SPATA13: variants seen among roughly 807,000 people sequenced by gnomAD.
The protein encoded by SPATA13 is spermatogenesis-associated protein 13.
SPATA13 carries 50 observed loss-of-function variants against 104.0 expected under a neutral mutation model. The ratio of observed to expected loss-of-function variants is 0.48; its 90% CI spans 0.38 to 0.61. The LOEUF (loss-of-function observed/expected upper bound fraction) is 0.61. Ranked by LOEUF, SPATA13 falls within the 20% of genes least tolerant of loss-of-function variation. The pLI, the probability that SPATA13 is intolerant of heterozygous loss-of-function variation, is 0.00. For synonymous variants in SPATA13, 606 were observed against 667.5 expected (o/e 0.91, Z 1.42); for missense variants, 1,524 against 1,690.6 (o/e 0.90, Z 1.73).
intron 3 of SPATA13, among the ~76,000 whole-genome samples, chr13:24,073,568 C>A: frequency 6.6e-6 from 1 of 152,212 alleles, no homozygotes; most frequent in East Asian, 1.9e-4. Flanking sequence ...GTGGCCATAG[C>A]AGCTACTGCC....
At chr13:24,204,911 C>T (rs975035812) in intron 1 of SPATA13, among the ~76,000 whole-genome samples, 5 of 152,050 alleles carry the variant, frequency 3.3e-5, no homozygotes, top group Admixed American at 3.3e-4. Flanking sequence ...CTGTGAACAT[C>T]AGTGTATAAA....
At chr13:24,268,818 G>A (rs1441273680) in intron 4 of SPATA13, among the ~76,000 whole-genome samples, 2 of 152,192 alleles carry the variant, frequency 1.3e-5, no homozygotes, top group Non-Finnish European at 2.9e-5. Flanking sequence ...ATAAGAGTTT[G>A]TGTGATCGTG....
At chr13:24,056,255 C>T (rs888706192) in intron 3 of SPATA13, among the ~76,000 whole-genome samples, 1 of 152,178 alleles carries the variant, frequency 6.6e-6, no homozygotes, top group Non-Finnish European at 1.5e-5. Context: ...AGAACAGCCT[C>T]AGTGAATATC....
Position 24,160,781 on chromosome 13 carries a change from C to A in SPATA13, c.-263C>A. On this transcript the variant is annotated 5_prime_UTR_variant, in exon 1 of 13. Coordinates refer to ENST00000382108, the MANE Select transcript of SPATA13 (RefSeq NM_001166271.3). ...TGCGCTTTCTCCCGCGATCGCCCTG[C>A]CGGTCGCTAGCTCCGAGGGCGCGCA... 1 of 985,464 alleles carries A rather than the reference C, an allele frequency of 1.0e-6. No individual in the cohort carries two copies. Among genetic ancestry groups the A allele is most frequent in the African/African-American group, 1.7e-5 (1 of 57,360 alleles). 61.0% of individuals were successfully genotyped at this position (985,464 alleles called of 1,614,324 possible).
intron 1 of SPATA13, among the ~76,000 whole-genome samples, chr13:24,172,271 ACATGT>A (rs1481590011): frequency 1.3e-5 from 2 of 152,156 alleles, no homozygotes; most frequent in Non-Finnish European, 2.9e-5. Context: ...ACTCTTTCAG[ACATGT>A]GGTTTGCAAA....
chr13:24,176,595 C>T (rs1230084698), intron 1 of SPATA13, among the ~76,000 whole-genome samples: 6 of 151,920 alleles, frequency 3.9e-5, no homozygotes, highest in Non-Finnish European at 8.8e-5. Context: ...CACGCTGGGT[C>T]CTGGCAGGAA....
At chr13:24,158,540 T>C (rs1882330482), upstream of SPATA13, among the ~76,000 whole-genome samples, 1 of 152,232 alleles carries the variant, frequency 6.6e-6, no homozygotes, top group East Asian at 1.9e-4. Flanking sequence ...GCGCCGCCTC[T>C]TCATGTCAGA....
chr13:23,998,428 G>A (rs2765170), intron 2 of SPATA13, among the ~76,000 whole-genome samples: 116,157 of 151,296 alleles, frequency 0.77, 44,699 homozygotes, highest in African/African-American at 0.8. Context: ...TTGTTTTCAT[G>A]TTATTGCAGT....
At chr13:24,134,774 C>T (rs1430353389) in intron 3 of SPATA13, among the ~76,000 whole-genome samples, 1 of 152,148 alleles carries the variant, frequency 6.6e-6, no homozygotes, top group South Asian at 2.1e-4. Context: ...TTTATGGCCT[C>T]AGGAGAGCTT....
At chr13:24,056,623 G>A (rs1878554763) in intron 3 of SPATA13, among the ~76,000 whole-genome samples, 1 of 152,202 alleles carries the variant, frequency 6.6e-6, no homozygotes, top group Non-Finnish European at 1.5e-5. Flanking sequence ...GCACATAGGA[G>A]GGAATATATA....
At chr13:23,987,061 G>A (rs1423164643) in intron 2 of SPATA13, among the ~76,000 whole-genome samples, 1 of 149,098 alleles carries the variant, frequency 6.7e-6, no homozygotes. Context: ...CATGGGGCAG[G>A]CCTACCCCAT....
intron 3 of SPATA13, among the ~76,000 whole-genome samples, chr13:24,072,916 C>A (rs1465536669): frequency 6.8e-6 from 1 of 147,738 alleles, no homozygotes; most frequent in African/African-American, 2.5e-5. Flanking sequence ...GCACAGATGA[C>A]TCCAGCCCAT....
chr13:24,073,436 T>C (rs1391276230), intron 3 of SPATA13, among the ~76,000 whole-genome samples: 3 of 152,254 alleles, frequency 2.0e-5, no homozygotes, highest in African/African-American at 7.2e-5. Context: ...ATCTGTCATA[T>C]GTTAGAAATT....
chr13:24,174,883 A>G (rs1883152790), intron 1 of SPATA13, among the ~76,000 whole-genome samples: 1 of 152,228 alleles, frequency 6.6e-6, no homozygotes, highest in South Asian at 2.1e-4. Flanking sequence ...CCAGCCTAAA[A>G]GTTTCCCTTT....
chr13:24,263,898 A>G (rs1022238645), intron 4 of SPATA13, among the ~76,000 whole-genome samples: 4 of 152,240 alleles, frequency 2.6e-5, no homozygotes, highest in African/African-American at 7.2e-5. Context: ...GCTGTGAGAC[A>G]GCCTGGATTC....
chr13:24,097,004 A>C (rs948915731), intron 3 of SPATA13, among the ~76,000 whole-genome samples: 1 of 152,220 alleles, frequency 6.6e-6, no homozygotes, highest in Admixed American at 6.5e-5. Context: ...GGGACAAAAG[A>C]GGAGACAAGG....
intron 3 of SPATA13, among the ~76,000 whole-genome samples, chr13:24,089,662 T>C (rs1251794462): frequency 6.6e-6 from 1 of 152,276 alleles, no homozygotes; most frequent in Non-Finnish European, 1.5e-5. Context: ...GTCCATGCGA[T>C]ATTTGAATAT....
At chr13:24,050,659 G>A (rs1293033706) in intron 3 of SPATA13, among the ~76,000 whole-genome samples, 3 of 152,162 alleles carry the variant, frequency 2.0e-5, no homozygotes, top group African/African-American at 7.2e-5. Flanking sequence ...CTGTGCCTCA[G>A]CCAGAAGTTC....
rs1491574293 is a variant in SPATA13, at chr13:24,245,608, T to TTTA, written c.1654-3869_1654-3868insTTA. ...TCTTTTTTTTTTTTTTTTTTTTTTT[T>TTTA]AGACAACAGGTCTTGCTTTGTTGCC... On this transcript the variant is annotated intron_variant, in intron 2 of 12. Coordinates refer to ENST00000382108, the MANE Select transcript of SPATA13 (RefSeq NM_001166271.3). Among the ~76,000 whole-genome samples, 5 of 131,490 alleles carry TTTA rather than the reference T, an allele frequency of 3.8e-5. No homozygotes were observed. The South Asian group carries it at 7.9e-4, about 21-fold the overall frequency. 86.3% of individuals were successfully genotyped at this position (131,490 alleles called of 152,430 possible).
Sources: gnomAD v4.1 joint callset for allele counts (sites outside exome capture counted in the v4.1 genomes callset) on GRCh38, gnomAD v4.1.1 for gene constraint, MANE v1.5 for transcripts, NCBI Gene and HGNC (gene_info 2026-07-23, HGNC 2026-07-21) for gene names.